SSX5: variants seen among roughly 807,000 people sequenced by gnomAD.
SSX5 encodes the protein protein SSX5.
A neutral mutation model predicts 14.9 loss-of-function variants in SSX5; 14 were observed. The observed-to-expected ratio is 0.94, with a 90% confidence interval of 0.62 to 1.47. The LOEUF is 1.47. SSX5 is among the 40% of genes most tolerant of loss of function. The pLI is 0.00. For missense variants in SSX5, 204 were observed against 154.6 expected (o/e 1.32, Z -1.70); for synonymous variants, 70 against 55.4 (o/e 1.26, Z -1.17).
intron 4 of SSX5, chrX:48,192,522 T>A: frequency 2.3e-6 from 1 of 442,767 alleles, no homozygotes. Context: ...CACAGTCTCA[T>A]CTTTTTCCAT....
At chrX:48,195,482 T>C in intron 1 of SSX5, 104 bp from the exon 2 acceptor site, 2 of 837,220 alleles carry the variant, frequency 2.4e-6, no homozygotes, top group Non-Finnish European at 1.7e-6. Flanking sequence ...GAATCAGGAG[T>C]TGCATTTCTC....
At chrX:48,190,826 C>T (rs1556924625) in intron 5 of SSX5, among the ~76,000 whole-genome samples, 1 of 111,290 alleles carries the variant, frequency 9.0e-6, no homozygotes, top group South Asian at 3.8e-4. Context: ...GAGGCACCAA[C>T]ATTGAATGTG....
rs1556925323 is a variant in SSX5, at chrX:48,194,138, C to T, written c.271G>A (p.Gly91Arg). 4 of 1,210,356 alleles carry T rather than the reference C, an allele frequency of 3.3e-6. No homozygotes were observed. Among genetic ancestry groups the T allele is most frequent in the Admixed American group, 2.2e-5 (1 of 45,896 alleles). ...CTTCCCATCTACTCACCCTGATTCC[C>T]ACGGTTAGGGTCATTATCAAAATCA... ...GNDFDNDPNR[G>R]NQVEHPQMTF... The change falls in exon 4 of 8, where the codon GGG becomes AGG. Residue 91 changes from glycine (G) to arginine (R), a missense_variant. Transcript: ENST00000347757.
At chrX:48,193,398 C>T (rs1238323844) in intron 4 of SSX5, among the ~76,000 whole-genome samples, 2 of 111,161 alleles carry the variant, frequency 1.8e-5, no homozygotes, top group Non-Finnish European at 3.8e-5. Context: ...CCAGTCGGAT[C>T]TCAACATTAC....
rs146419204 is a variant in SSX5, at chrX:48,196,306, A to G, written c.-21+425T>C. Among the ~76,000 whole-genome samples the G allele has an allele frequency of 7.4e-4, 81 of 109,484 alleles. 1 individual carries two copies. In the East Asian group the frequency reaches 0.021, roughly 29 times the overall value. On this transcript the variant is annotated intron_variant, in intron 1 of 7. Coordinates refer to ENST00000347757, the MANE Select transcript of SSX5 (RefSeq NM_175723.2). ...CACCTTAGCCCTTAGCAGAAGTGGG[A>G]TGGTGTGCACCTGTAGTCCCAAGGC...
Position 48,195,322 on chromosome X carries a change from C to T in SSX5, c.37G>A (p.Val13Ile). The T allele has an allele frequency of 5.0e-6, 6 of 1,211,715 alleles. No individual in the cohort carries two copies. Among genetic ancestry groups the T allele is most frequent in the Non-Finnish European group, 6.7e-6 (6 of 895,492 alleles). The change falls in exon 2 of 8, where the codon GTT becomes ATT. Residue 13 changes from valine to isoleucine, a missense_variant. Coordinates refer to ENST00000347757, the MANE Select transcript of SSX5 (RefSeq NM_175723.2). Reference sequence around the variant, plus strand: ...ATCTTCTCTGGTATTTGAGAACCAACCCTAGGTCTCCGTACAAAGGCATCG... The same window carrying T: ...ATCTTCTCTGGTATTTGAGAACCAATCCTAGGTCTCCGTACAAAGGCATCG... ...GDDAFVRRPR[V>I]GSQIPEKMQK...
chrX:48,189,795 T>A (rs2059412717), intron 6 of SSX5, among the ~76,000 whole-genome samples: 1 of 112,029 alleles, frequency 8.9e-6, no homozygotes, highest in Non-Finnish European at 1.9e-5. Flanking sequence ...ACAGATGGAA[T>A]TGCTTCAGCA....
intron 1 of SSX5, among the ~76,000 whole-genome samples, chrX:48,196,330 G>T (rs1408494718): frequency 3.6e-5 from 4 of 109,827 alleles, no homozygotes; most frequent in African/African-American, 1.3e-4. Context: ...TAGTCCCAAG[G>T]CCTAGGCAAC....
chrX:48,195,960 G>A (rs1448616624), intron 1 of SSX5, among the ~76,000 whole-genome samples: 7 of 111,308 alleles, frequency 6.3e-5, no homozygotes, highest in African/African-American at 2.3e-4. Flanking sequence ...ACAAGAGCCC[G>A]GGAACACTTA....
intron 5 of SSX5, among the ~76,000 whole-genome samples, 198 bp from the exon 6 acceptor site, chrX:48,190,466 A>G (rs1320809858): frequency 8.9e-6 from 1 of 112,062 alleles, no homozygotes; most frequent in Non-Finnish European, 1.9e-5. Flanking sequence ...TATGGTTTCC[A>G]GGGATAGAAT....
rs1396277322 is a variant in SSX5, at chrX:48,186,397, TGTGTGTGCGC to T, written c.*454_*463del. On this transcript the variant is annotated 3_prime_UTR_variant, in exon 8 of 8. Coordinates refer to ENST00000347757, the MANE Select transcript of SSX5 (RefSeq NM_175723.2). ...GTGTGTGTGTGTGTGTGTGTGTGTGTGTGTGTGCGCGCGCGCGCGCATGTGTGTCTGTGTG... is the reference window on the plus strand; with the variant it reads ...GTGTGTGTGTGTGTGTGTGTGTGTGTGCGCGCGCGCATGTGTGTCTGTGTG... 9.0e-4 allele frequency: 213 copies of T among 236,474 alleles called. 1 individual carries two copies. In the East Asian group the frequency reaches 0.011, roughly 12 times the overall value. The allele number at this position is 236,474 out of a possible 1,213,427, so 19.5% of individuals were successfully genotyped here.
rs782709899 is a variant in SSX5 at position 48,195,242 on chromosome X, C to T, written c.69+48G>A. 3 of 1,204,644 alleles carry T rather than the reference C, an allele frequency of 2.5e-6. No individual in the cohort carries two copies. The South Asian group carries it at 5.3e-5, about 21-fold the overall frequency. The stretch of plus-strand genomic sequence containing the variant: ...TCCCCTCCTCAGAAAACTGATCACC[C>T]CACACTGTCCCCTGGGCCACTACTA... On this transcript the variant is annotated intron_variant, in intron 2 of 7. Coordinates refer to ENST00000347757, the MANE Select transcript of SSX5 (RefSeq NM_175723.2).
intron 3 of SSX5, 131 bp downstream of exon 3, chrX:48,194,609 A>G: frequency 1.3e-6 from 1 of 745,399 alleles, no homozygotes; most frequent in Non-Finnish European, 1.9e-6. Flanking sequence ...GAGCACCCAG[A>G]AGCTGCCTTG....
In SSX5 at chrX:48,186,262, G is replaced by A. The variant is rs1212024331; in HGVS notation, c.*599C>T. 6.6e-6 allele frequency: 1 copy of A among 152,498 alleles called. No individual in the cohort carries two copies. Among genetic ancestry groups the A allele is most frequent in the African/African-American group, 3.2e-5 (1 of 31,460 alleles). The allele number at this position is 152,498 out of a possible 1,213,427, so 12.6% of individuals were successfully genotyped here. ...ATTAACTGGCAGTGACTGATAGAGG[G>A]GAATCGGATGAGGGGAGTACATGCT... On this transcript the variant is annotated 3_prime_UTR_variant, in exon 8 of 8. Coordinates refer to ENST00000347757, the MANE Select transcript of SSX5 (RefSeq NM_175723.2).
intron 5 of SSX5, 39 bp downstream of exon 5, chrX:48,192,193 C>A: frequency 8.3e-7 from 1 of 1,209,805 alleles, no homozygotes; most frequent in South Asian, 1.8e-5. Flanking sequence ...CGTGAAGGGA[C>A]AAAGGTTCTC....
chrX:48,186,342 G>C lies in SSX5; in HGVS notation c.*519C>G. 1 of 194,513 alleles carries C rather than the reference G, an allele frequency of 5.1e-6. No individual in the cohort carries two copies. Among genetic ancestry groups the C allele is most frequent in the Non-Finnish European group, 9.3e-6 (1 of 107,172 alleles). The allele number at this position is 194,513 out of a possible 1,213,427, so 16.0% of individuals were successfully genotyped here. ...CCAGGACACATGGGGAAAAGCAGTT[G>C]GGAGATGCCTATACTGGTACTTGGT... On this transcript the variant is annotated 3_prime_UTR_variant, in exon 8 of 8. Transcript: ENST00000347757.
chrX:48,186,636 G>A lies in SSX5; in HGVS notation c.*225C>T. Reference sequence around the variant, plus strand: ...GTATGTCTTGCTCATCAGTGAAAACGCTAATATCTAACAGAATGGCACACT... The same window carrying A: ...GTATGTCTTGCTCATCAGTGAAAACACTAATATCTAACAGAATGGCACACT... On this transcript the variant is annotated 3_prime_UTR_variant, in exon 8 of 8. Coordinates refer to ENST00000347757, the MANE Select transcript of SSX5 (RefSeq NM_175723.2). 6.3e-6 allele frequency: 4 copies of A among 631,268 alleles called. No homozygotes were observed. The highest frequency in any genetic ancestry group is 4.4e-5 in the African/African-American group (2 of 45,559). The allele number at this position is 631,268 out of a possible 1,213,427, so 52.0% of individuals were successfully genotyped here. A position where few individuals can be genotyped will look rare whatever the true frequency, so the allele number is the denominator to read the frequency against.
Position 48,194,812 on chromosome X carries a change from C to G in SSX5, c.112G>C (p.Glu38Gln), listed in dbSNP as rs1556925481. The G allele has an allele frequency of 8.3e-7, 1 of 1,208,590 alleles. No homozygotes were observed. The highest frequency in any genetic ancestry group is 3.0e-5 in the East Asian group (1 of 33,760). The change falls in exon 3 of 8, where the codon GAA (glutamate) becomes CAA (glutamine). Residue 38 changes from glutamate (E) to glutamine (Q), a missense_variant. Physicochemically the swap from Glu to Gln is conservative, Grantham distance 29 (BLOSUM62 2). Transcript: ENST00000347757. ...IAKYFSEKEWEKMKASEKIIY... is the reference protein window; with the variant it reads ...IAKYFSEKEWQKMKASEKIIY... ...ATTTTCTCCGAGGCTTTCATCTTTT[C>G]CCACTCTTTCTCAGAGAAGTATTTG...
intron 7 of SSX5, 61 bp downstream of exon 7, chrX:48,187,566 A>G (rs782272653): frequency 8.8e-7 from 1 of 1,130,561 alleles, no homozygotes; most frequent in African/African-American, 1.8e-5. Flanking sequence ...ATGGGATACC[A>G]GTACCATAAC....
Sources: gnomAD v4.1 joint callset for allele counts (sites outside exome capture counted in the v4.1 genomes callset) on GRCh38, gnomAD v4.1.1 for gene constraint, MANE v1.5 for transcripts, NCBI Gene and HGNC (gene_info 2026-07-23, HGNC 2026-07-21) for gene names.